Variants in SLC36A1 observed in about 807,000 individuals in gnomAD.
SLC36A1 encodes the protein solute carrier family 36 member 1.
A neutral mutation model predicts 47.5 loss-of-function variants in SLC36A1; 30 were observed. That is an observed-to-expected ratio of 0.63 (90% CI 0.47 to 0.86). The LOEUF (loss-of-function observed/expected upper bound fraction) is 0.86. SLC36A1 is among the 40% of genes least tolerant of loss of function. SLC36A1 has a pLI of 0.00. For synonymous variants in SLC36A1, 255 were observed against 249.7 expected (o/e 1.02, Z -0.20); for missense variants, 517 against 606.0 (o/e 0.85, Z 1.54).
chr5:151,553,328 C>T, the SLC36A1 span: 13 of 1,614,272 alleles, frequency 8.1e-6, no homozygotes, highest in Non-Finnish European at 1.1e-5. Flanking sequence ...AAGGGATCCA[C>T]TCAATGTGTA....
At chr5:151,550,933 G>T in the SLC36A1 span, 1 of 1,501,730 alleles carries the variant, frequency 6.7e-7, no homozygotes, top group African/African-American at 1.4e-5. Flanking sequence ...GACTGGGTCT[G>T]TCTGGACCTC....
At chr5:151,548,887 G>T in the SLC36A1 span, among the ~76,000 whole-genome samples, 2 of 152,180 alleles carry the variant, frequency 1.3e-5, no homozygotes, top group African/African-American at 4.8e-5. Flanking sequence ...CCATAAAATA[G>T]ATACTAAATC....
chr5:151,433,267 T>TATATATATATA (rs1421061752), upstream of SLC36A1, among the ~76,000 whole-genome samples: 18 of 7,642 alleles, frequency 2.4e-3, 1 homozygote, highest in Non-Finnish European at 4.0e-3. Flanking sequence ...TATATATATA[T>TATATATATATA]TTTTTTTTTT....
chr5:151,546,035 T>A, the SLC36A1 span: 2 of 1,614,184 alleles, frequency 1.2e-6, no homozygotes, highest in Non-Finnish European at 1.7e-6. Context: ...CCATCCTTAT[T>A]TCCCTCTCTT....
chr5:151,483,510 G>T (rs1460600316), intron 10 of SLC36A1, among the ~76,000 whole-genome samples: 2 of 130,370 alleles, frequency 1.5e-5, no homozygotes, highest in East Asian at 4.4e-4. Context: ...TGGGGTCTTT[G>T]TGTGTGTGGG....
At chr5:151,483,522 G>T (rs370159607) in intron 10 of SLC36A1, among the ~76,000 whole-genome samples, 3 of 130,692 alleles carry the variant, frequency 2.3e-5, no homozygotes, top group African/African-American at 1.2e-4. Flanking sequence ...GTGTGTGGGG[G>T]GGGTGATTAG....
At chr5:151,481,331 C>T (rs73796602) in intron 10 of SLC36A1, among the ~76,000 whole-genome samples, 120 of 151,726 alleles carry the variant, frequency 7.9e-4, no homozygotes, top group African/African-American at 2.7e-3. Flanking sequence ...TCTGAGAGCA[C>T]TCGCCTCTCT....
At chr5:151,377,826 T>C in the SLC36A1 span, among the ~76,000 whole-genome samples, 1 of 152,258 alleles carries the variant, frequency 6.6e-6, no homozygotes, top group Non-Finnish European at 1.5e-5. Flanking sequence ...CTGATACAAG[T>C]ATAGCTACTC....
At chr5:151,503,334 C>T in the SLC36A1 span, among the ~76,000 whole-genome samples, 11 of 148,054 alleles carry the variant, frequency 7.4e-5, no homozygotes, top group Non-Finnish European at 1.6e-4. Flanking sequence ...GAAGGCATAT[C>T]GCTGTACCTT....
the SLC36A1 span, among the ~76,000 whole-genome samples, chr5:151,412,039 C>T: frequency 6.9e-6 from 1 of 144,906 alleles, no homozygotes; most frequent in African/African-American, 2.5e-5. Flanking sequence ...AAACTTGATA[C>T]TAAACACAAA....
the SLC36A1 span, chr5:151,505,489 A>T: frequency 6.4e-7 from 1 of 1,563,478 alleles, no homozygotes; most frequent in Non-Finnish European, 8.7e-7. Context: ...CACTCAACTC[A>T]CCCCCTACGA....
chr5:151,531,694 G>A, the SLC36A1 span: 2 of 1,613,860 alleles, frequency 1.2e-6, no homozygotes, highest in Non-Finnish European at 1.7e-6. The surrounding 1 kb of genome is among the most constrained non-coding windows in gnomAD (Gnocchi z 5.7). Flanking sequence ...CAGCACCTCC[G>A]TGCCAGGTGG....
intron 9 of SLC36A1, among the ~76,000 whole-genome samples, chr5:151,478,565 A>G (rs165355): frequency 0.15 from 22,343 of 152,236 alleles, 1,996 homozygotes; most frequent in Non-Finnish European, 0.21. Flanking sequence ...AGATATAAAT[A>G]GGCTTGTGAC....
At chr5:151,459,015 T>G in intron 2 of SLC36A1, 80 bp downstream of exon 2, 2 of 1,459,142 alleles carry the variant, frequency 1.4e-6, no homozygotes, top group Non-Finnish European at 1.9e-6. Context: ...TCCCCCCAAT[T>G]TCATCAGTCC....
chr5:151,521,526 A>C, the SLC36A1 span: 2 of 1,614,216 alleles, frequency 1.2e-6, no homozygotes, highest in South Asian at 2.2e-5. Context: ...AGGTTCCAGA[A>C]TGCCCCTCAA....
the SLC36A1 span, among the ~76,000 whole-genome samples, chr5:151,398,893 C>A: frequency 6.6e-6 from 1 of 151,890 alleles, no homozygotes; most frequent in African/African-American, 2.4e-5. Flanking sequence ...ATTATGATCA[C>A]TTTATTTTGA....
At chr5:151,498,794 G>A in the SLC36A1 span, among the ~76,000 whole-genome samples, 2 of 152,308 alleles carry the variant, frequency 1.3e-5, no homozygotes, top group African/African-American at 4.8e-5. Flanking sequence ...TGGAAGCTCT[G>A]CTTTAAGACC....
At chr5:151,451,164 G>A (rs1753598632) in intron 1 of SLC36A1, 1 of 151,902 alleles carries the variant, frequency 6.6e-6, no homozygotes, top group Non-Finnish European at 1.5e-5. Flanking sequence ...TATTTCTCTT[G>A]GAAGCCTTGA....
intron 10 of SLC36A1, among the ~76,000 whole-genome samples, chr5:151,484,950 T>G (rs188500050): frequency 6.6e-6 from 1 of 152,022 alleles, no homozygotes; most frequent in Admixed American, 6.5e-5. Context: ...GCACCATCAC[T>G]GCAAGGATGA....
Sources: gnomAD v4.1 joint callset for allele counts (sites outside exome capture counted in the v4.1 genomes callset) on GRCh38, gnomAD v4.1.1 for gene constraint, Gnocchi (gnomAD v3.1) non-coding constraint, MANE v1.5 for transcripts, NCBI Gene and HGNC (gene_info 2026-07-23, HGNC 2026-07-21) for gene names.